The following FRYL variants were observed in gnomAD, a reference collection of about 807,000 sequenced individuals.
FRYL encodes FRY like transcription coactivator.
FRYL carries 150 observed loss-of-function variants against 351.2 expected under a neutral mutation model. The observed-to-expected ratio is 0.43, with a 90% CI of 0.37 to 0.49. The LOEUF is 0.49. Among genes scored for constraint, FRYL ranks in the 20% least tolerant of loss-of-function variants. FRYL has a pLI of 0.00. For missense variants in FRYL, 3,036 were observed against 3,619.3 expected (o/e 0.84, Z 4.13); for synonymous variants, 1,153 against 1,257.1 (o/e 0.92, Z 1.75).
Position 48,778,738 on chromosome 4 carries a change from G to A in FRYL, c.-384+1340C>T, listed in dbSNP as rs1776294049. The stretch of plus-strand genomic sequence containing the variant: ...GCTGTTGGTACTAATTATAATGGCT[G>A]TAAATTCAGTAGCAGAATCAACTTT... On this transcript the variant is annotated intron_variant, in intron 1 of 63. Transcript: ENST00000358350. Among the ~76,000 whole-genome samples, 6 of 152,198 alleles carry A rather than the reference G, an allele frequency of 3.9e-5. No individual in the cohort carries two copies. In the South Asian group the frequency reaches 1.2e-3, roughly 31 times the overall value.
At chr4:48,557,401 C>G in intron 34 of FRYL, 52 bp downstream of exon 34, 3 of 1,600,130 alleles carry the variant, frequency 1.9e-6, no homozygotes, top group Non-Finnish European at 1.7e-6. Context: ...CTAACCACAT[C>G]TACTCACTCA....
In FRYL at chr4:48,667,434, G is replaced by T. The variant is rs767042587; in HGVS notation, c.-81+17239C>A. 4.7e-5 allele frequency among the ~76,000 whole-genome samples: 7 copies of T among 149,698 alleles called. 3 individuals are homozygous for T. Reference sequence around the variant, plus strand: ...CAGAATCACAGAACCCCACCCCCTCGCTTTTTTTTTTTTGAACTGGAGAGA... The same window carrying T: ...CAGAATCACAGAACCCCACCCCCTCTCTTTTTTTTTTTTGAACTGGAGAGA... On this transcript the variant is annotated intron_variant, in intron 3 of 63. Transcript: ENST00000358350.
intron 7 of FRYL, among the ~76,000 whole-genome samples, chr4:48,610,757 CATATATT>C (rs1186599275): frequency 1.4e-5 from 2 of 142,142 alleles, no homozygotes; most frequent in African/African-American, 5.2e-5. Flanking sequence ...TGTATATATA[CATATATT>C]ATATATATGT....
At chr4:48,675,823 G>GGA (rs2149521828) in intron 3 of FRYL, among the ~76,000 whole-genome samples, 1 of 152,352 alleles carries the variant, frequency 6.6e-6, no homozygotes, top group South Asian at 2.1e-4. Context: ...GTGGGGCCTT[G>GGA]GAGAATCTTT....
Position 48,542,096 on chromosome 4 carries a change from G to T in FRYL, c.5618C>A (p.Thr1873Lys). The T allele has an allele frequency of 6.2e-7, 1 of 1,613,426 alleles. No homozygotes were observed. Among genetic ancestry groups the T allele is most frequent in the East Asian group, 2.2e-5 (1 of 44,866 alleles). ...AQGFVIELLL[T>K]LESAIDTLAE... ...CAAAGTATCAATTGCAGATTCCAATGTGAGAAGAAGCTCAATCACAAATCC... is the reference window on the plus strand; with the variant it reads ...CAAAGTATCAATTGCAGATTCCAATTTGAGAAGAAGCTCAATCACAAATCC... Residue 1873 changes from threonine to lysine, a missense_variant, in exon 45 of 64, where the codon ACA becomes AAA. Physicochemically the swap from Thr to Lys is moderately conservative, Grantham distance 78. Coordinates refer to ENST00000358350, the MANE Select transcript of FRYL (RefSeq NM_015030.2).
intron 3 of FRYL, among the ~76,000 whole-genome samples, chr4:48,648,202 C>T (rs1756925864): frequency 6.6e-6 from 1 of 152,114 alleles, no homozygotes; most frequent in Non-Finnish European, 1.5e-5. Context: ...CTCCTGGCAC[C>T]ACCCCAAAGA....
rs192171465 is a variant in FRYL at position 48,615,864 on chromosome 4, C to A, written c.411+3410G>T. On this transcript the variant is annotated intron_variant, in intron 7 of 63. Transcript: ENST00000358350. ...AGAAAGAAAATGTGGCACATATACA[C>A]CATGGAATACTCTGCAGCCATAAAA... is the stretch of plus-strand genomic sequence containing the variant. 9.6e-4 allele frequency among the ~76,000 whole-genome samples: 146 copies of A among 152,276 alleles called. 1 individual carries two copies. In the Middle Eastern group the frequency reaches 0.017, roughly 18 times the overall value.
intron 1 of FRYL, among the ~76,000 whole-genome samples, chr4:48,717,603 C>T (rs1769016038): frequency 6.6e-6 from 1 of 151,578 alleles, no homozygotes; most frequent in South Asian, 2.1e-4. Context: ...TGCAATGACG[C>T]AATTATAGCT....
At chr4:48,638,959 G>A (rs1754807212) in intron 3 of FRYL, among the ~76,000 whole-genome samples, 1 of 152,086 alleles carries the variant, frequency 6.6e-6, no homozygotes, top group Non-Finnish European at 1.5e-5. Context: ...CCTGTTGTGG[G>A]GTGGGAGGCT....
chr4:48,540,436 G>A lies in FRYL; in HGVS notation c.6212C>T (p.Ser2071Phe), dbSNP rs1301120488. ...GAGGTGCACGGTCATTTCTTGTGTA[G>A]ATGCTGAGGTAAAACCCTTAAGGAA... is the stretch of plus-strand genomic sequence containing the variant. ...QLFLKGFTSA[S>F]TQEMTVHLLS... The change falls in exon 46 of 64, where the codon TCT becomes TTT. Residue 2071 changes from serine (S) to phenylalanine (F), a missense_variant. Physicochemically the swap from Ser to Phe is radical, Grantham distance 155. This residue lies in a region of FRYL where 1,987 missense variants were observed against 2,311.7 expected (regional missense o/e 0.86). Coordinates refer to ENST00000358350, the MANE Select transcript of FRYL (RefSeq NM_015030.2). The A allele has an allele frequency of 6.2e-7, 1 of 1,614,000 alleles. No individual in the cohort carries two copies. Among genetic ancestry groups the A allele is most frequent in the East Asian group, 2.2e-5 (1 of 44,878 alleles).
chr4:48,700,279 C>T (rs1020760499), intron 2 of FRYL, among the ~76,000 whole-genome samples: 3 of 152,036 alleles, frequency 2.0e-5, no homozygotes, highest in Admixed American at 6.6e-5. Context: ...GTAATACTCA[C>T]GTAGAACTTA....
intron 55 of FRYL, among the ~76,000 whole-genome samples, chr4:48,519,329 T>G (rs1282644683): frequency 2.0e-5 from 3 of 152,112 alleles, no homozygotes; most frequent in African/African-American, 7.2e-5. Context: ...TATTTCACAC[T>G]GCCATCCCTT....
intron 49 of FRYL, among the ~76,000 whole-genome samples, chr4:48,533,441 G>C (rs560681302): frequency 5.9e-5 from 9 of 152,110 alleles, no homozygotes; most frequent in Non-Finnish European, 1.2e-4. Flanking sequence ...GAATGTAAGA[G>C]GTAATGTGGA....
chr4:48,677,077 G>C (rs1287695961), intron 3 of FRYL, among the ~76,000 whole-genome samples: 1 of 152,130 alleles, frequency 6.6e-6, no homozygotes, highest in African/African-American at 2.4e-5. Flanking sequence ...TTTTACAGAG[G>C]AATAGAGGAT....
chr4:48,555,230 A>G lies in FRYL; in HGVS notation c.4266+1748T>C, dbSNP rs112125417. On this transcript the variant is annotated intron_variant, in intron 35 of 63. Coordinates refer to ENST00000358350, the MANE Select transcript of FRYL (RefSeq NM_015030.2). Reference sequence around the variant, plus strand: ...CCATGCTTTTTCTAGTACTGACTCTAACTCCCCCATTCGTTCATCCAATTA... The same window carrying G: ...CCATGCTTTTTCTAGTACTGACTCTGACTCCCCCATTCGTTCATCCAATTA... Among the ~76,000 whole-genome samples the G allele has an allele frequency of 2.9e-3, 439 of 152,288 alleles. 1 individual carries two copies. Among genetic ancestry groups the G allele is most frequent in the African/African-American group, 0.01 (417 of 41,568 alleles).
At chr4:48,578,467 C>G (rs1317117897) in intron 23 of FRYL, among the ~76,000 whole-genome samples, 1 of 152,138 alleles carries the variant, frequency 6.6e-6, no homozygotes, top group Non-Finnish European at 1.5e-5. Flanking sequence ...TTATAATGAC[C>G]TTGGTCAACT....
intron 1 of FRYL, among the ~76,000 whole-genome samples, chr4:48,724,467 G>T (rs1249477118): frequency 6.6e-6 from 1 of 151,984 alleles, no homozygotes; most frequent in African/African-American, 2.4e-5. Context: ...CTAAAATAAC[G>T]GACACCATCA....
In FRYL at chr4:48,606,483, T is replaced by G; in HGVS notation, c.696A>C (p.Lys232Asn). 1 of 1,612,674 alleles carries G rather than the reference T, an allele frequency of 6.2e-7. No individual in the cohort carries two copies. Among genetic ancestry groups the G allele is most frequent in the Non-Finnish European group, 8.5e-7 (1 of 1,179,000 alleles). The change falls in exon 10 of 64, where the codon AAA (lysine) becomes AAC (asparagine). Residue 232 changes from lysine (K) to asparagine (N), a missense_variant. Physicochemically the swap from Lys to Asn is moderately conservative, Grantham distance 94. Transcript: ENST00000358350. ...CTTCAAAATCTTCTACAGGATACAT[T>G]TTTACTCGAAAAAATTTCATTCCCA... ...LIMGMKFFRV[K>N]MYPVEDFEAS... is the part of the protein sequence containing the mutation.
At chr4:48,731,372 T>C (rs899147832) in intron 1 of FRYL, among the ~76,000 whole-genome samples, 4 of 152,196 alleles carry the variant, frequency 2.6e-5, no homozygotes, top group Admixed American at 2.6e-4. Context: ...AAGTAATTTA[T>C]AGATTCCATG....
Sources: allele counts gnomAD v4.1 joint callset (sites outside exome capture counted in the v4.1 genomes callset), GRCh38; gene constraint gnomAD v4.1.1; regional missense constraint gnomAD v4.1.1; transcripts MANE v1.5; gene names NCBI Gene and HGNC (gene_info 2026-07-23, HGNC 2026-07-21).